Variants in ULK4 observed in about 807,000 individuals in gnomAD.
ULK4 encodes the protein inactive serine/threonine-protein kinase ULK4.
Under a neutral mutation model 160.6 loss-of-function variants are expected in ULK4, and 133 were observed. That is an observed-to-expected ratio of 0.83 (90% CI 0.72 to 0.96). The LOEUF (loss-of-function observed/expected upper bound fraction) is 0.96. Among genes scored for constraint, ULK4 ranks in the 40% least tolerant of loss-of-function variants. ULK4 has a pLI of 0.00. For synonymous variants in ULK4, 534 were observed against 539.8 expected (o/e 0.99, Z 0.15); for missense variants, 1,580 against 1,499.5 (o/e 1.05, Z -0.89).
chr3:41,756,076 T>C (rs1301318563), intron 21 of ULK4, among the ~76,000 whole-genome samples: 1 of 152,288 alleles, frequency 6.6e-6, no homozygotes, highest in South Asian at 2.1e-4. Context: ...AAAGGATCTA[T>C]TGCAATCATT....
At chr3:41,827,675 A>G (rs1465502383) in intron 18 of ULK4, among the ~76,000 whole-genome samples, 1 of 152,212 alleles carries the variant, frequency 6.6e-6, no homozygotes, top group South Asian at 2.1e-4. Context: ...CCAACCAAAA[A>G]AAGTTCAGGA....
intron 32 of ULK4, among the ~76,000 whole-genome samples, chr3:41,526,685 G>A (rs1240976942): frequency 6.6e-6 from 1 of 152,180 alleles, no homozygotes; most frequent in African/African-American, 2.4e-5. Context: ...ACTTGTTTGG[G>A]GGGTGGAGGG....
chr3:41,646,713 G>C (rs1575524183), intron 30 of ULK4, among the ~76,000 whole-genome samples: 1 of 152,144 alleles, frequency 6.6e-6, no homozygotes, highest in African/African-American at 2.4e-5. Context: ...GGCGTTCTCT[G>C]TATTTCCTGA....
At chr3:41,831,517 T>TTATATATATATATATATATA (rs201753249) in intron 18 of ULK4, among the ~76,000 whole-genome samples, 1 of 132,650 alleles carries the variant, frequency 7.5e-6, no homozygotes, top group South Asian at 2.3e-4. Context: ...TATTGTTATT[T>TTATATATATATATATATATA]TATATATATA....
At chr3:41,568,026 C>T (rs951917780) in intron 31 of ULK4, among the ~76,000 whole-genome samples, 4 of 152,114 alleles carry the variant, frequency 2.6e-5, no homozygotes, top group Admixed American at 1.3e-4. Flanking sequence ...AGTTTTCCAC[C>T]GATGGCCTTT....
chr3:41,272,933 C>A (rs2079163626), intron 35 of ULK4, among the ~76,000 whole-genome samples: 1 of 151,932 alleles, frequency 6.6e-6, no homozygotes, highest in Admixed American at 6.6e-5. Flanking sequence ...GGTCTTTTTT[C>A]ATATCCTCCA....
intron 33 of ULK4, among the ~76,000 whole-genome samples, chr3:41,460,561 G>A (rs746799700): frequency 5.3e-5 from 8 of 151,366 alleles, no homozygotes; most frequent in Admixed American, 2.6e-4. Flanking sequence ...CTAGCCCTAT[G>A]CTAGGCTCAT....
At chr3:41,671,693 C>T (rs1228023310) in intron 29 of ULK4, among the ~76,000 whole-genome samples, 2 of 152,018 alleles carry the variant, frequency 1.3e-5, no homozygotes, top group Non-Finnish European at 2.9e-5. Context: ...ATCAAAAGCA[C>T]AGGCAACATA....
At chr3:41,412,671 A>G (rs1489009296) in intron 34 of ULK4, among the ~76,000 whole-genome samples, 1 of 146,366 alleles carries the variant, frequency 6.8e-6, no homozygotes, top group Non-Finnish European at 1.5e-5. Context: ...AGTGATTCTC[A>G]TGCTTCGGGC....
chr3:41,658,847 T>C lies in ULK4; in HGVS notation c.3071+4760A>G, dbSNP rs143981705. On this transcript the variant is annotated intron_variant, in intron 30 of 36. Coordinates refer to ENST00000301831, the MANE Select transcript of ULK4 (RefSeq NM_017886.4). ...ATACTGAAGTTCTGAACATGTTATG[T>C]ATTAACTCTGAAAAATAAATTTTTA... is the stretch of plus-strand genomic sequence containing the variant. 9.2e-5 allele frequency among the ~76,000 whole-genome samples: 14 copies of C among 152,194 alleles called. No homozygotes were observed. In the East Asian group the frequency reaches 2.7e-3, roughly 29 times the overall value.
At chr3:41,949,487 C>T (rs1286364764) in intron 2 of ULK4, among the ~76,000 whole-genome samples, 1 of 148,454 alleles carries the variant, frequency 6.7e-6, no homozygotes, top group Non-Finnish European at 1.5e-5. Context: ...GGCTGGAGCG[C>T]AATTACACGA....
intron 21 of ULK4, among the ~76,000 whole-genome samples, chr3:41,768,518 AG>A (rs938426377): frequency 1.3e-5 from 2 of 152,162 alleles, no homozygotes; most frequent in African/African-American, 4.8e-5. Flanking sequence ...GCTGTGAGGA[AG>A]CCCAAACAGC....
At position 41,249,502 on chromosome 3, in the gene ULK4, C is replaced by T; in HGVS notation, c.3751G>A (p.Ala1251Thr). Residue 1251 changes from alanine to threonine, a missense_variant, in exon 36 of 37, where the codon GCC becomes ACC. By Grantham distance (58) the Ala-to-Thr change is moderately conservative (BLOSUM62 0). Coordinates refer to ENST00000301831, the MANE Select transcript of ULK4 (RefSeq NM_017886.4). ...GGTCCCACTTACCCACTCCCAGGGG[C>T]CAGCCGCTCCAGAGCCCGCAGGAGG... ...GSLLRALERL[A>T]PGSGSFADSA... The T allele has an allele frequency of 6.2e-7, 1 of 1,613,838 alleles. No individual in the cohort carries two copies. The highest frequency in any genetic ancestry group is 1.1e-5 in the South Asian group (1 of 91,012).
In ULK4 at chr3:41,681,548, T is replaced by A; in HGVS notation, c.2938A>T (p.Ser980Cys). 9.3e-6 allele frequency: 15 copies of A among 1,614,068 alleles called. No homozygotes were observed. Among genetic ancestry groups the A allele is most frequent in the Non-Finnish European group, 1.3e-5 (15 of 1,180,000 alleles). ...GKEKASVDSD[S>C]NLLALIRDVL... ...TCTCGAATGAGAGCCAGAAGATTGC[T>A]GTCAGAATCAACACTGGCCTTCTCC... Residue 980 changes from serine to cysteine, a missense_variant, in exon 29 of 37, where the codon AGC (serine) becomes TGC (cysteine). Physicochemically the swap from Ser to Cys is moderately radical, Grantham distance 112 (BLOSUM62 -1). Coordinates refer to ENST00000301831, the MANE Select transcript of ULK4 (RefSeq NM_017886.4).
intron 30 of ULK4, among the ~76,000 whole-genome samples, chr3:41,660,929 C>G (rs1032577847): frequency 2.6e-5 from 4 of 152,088 alleles, no homozygotes; most frequent in Admixed American, 6.5e-5. Flanking sequence ...CAAACTGTAT[C>G]TTGCCTTTTT....
At chr3:41,667,150 T>C (rs1201462643) in intron 29 of ULK4, among the ~76,000 whole-genome samples, 1 of 150,442 alleles carries the variant, frequency 6.6e-6, no homozygotes, top group East Asian at 2.0e-4. Context: ...CAAGACTCTG[T>C]CTCTAAAAAA....
intron 27 of ULK4, among the ~76,000 whole-genome samples, chr3:41,692,071 C>T (rs1311619751): frequency 2.7e-5 from 4 of 150,662 alleles, no homozygotes; most frequent in Non-Finnish European, 4.4e-5. Context: ...CCTGCCTCAG[C>T]CTCCCAAGTG....
At chr3:41,799,249 C>T (rs2040387935) in intron 20 of ULK4, among the ~76,000 whole-genome samples, 1 of 152,016 alleles carries the variant, frequency 6.6e-6, no homozygotes, top group African/African-American at 2.4e-5. Flanking sequence ...TTAAATAAAT[C>T]ATAGGAGAGA....
intron 35 of ULK4, among the ~76,000 whole-genome samples, chr3:41,373,426 GACAA>G (rs1394503933): frequency 2.6e-5 from 4 of 151,930 alleles, no homozygotes; most frequent in East Asian, 1.9e-4. Context: ...TGGAAATGGT[GACAA>G]ACAGTCTTTC....
Sources: gnomAD v4.1 joint callset for allele counts (sites outside exome capture counted in the v4.1 genomes callset) on GRCh38, gnomAD v4.1.1 for gene constraint, MANE v1.5 for transcripts, NCBI Gene and HGNC (gene_info 2026-07-23, HGNC 2026-07-21) for gene names.